The following C14orf132 variants were observed in gnomAD, a reference collection of about 807,000 sequenced individuals.
The protein encoded by C14orf132 is chromosome 14 open reading frame 132.
Under a neutral mutation model 5.8 loss-of-function variants are expected in C14orf132, and 6 were observed. That is an observed-to-expected ratio of 1.03 (90% CI 0.57 to 2.04). The LOEUF (loss-of-function observed/expected upper bound fraction) is 2.04. C14orf132 is among the 30% of genes most tolerant of loss of function. The probability of loss-of-function intolerance (pLI) is 0.00; values close to 1 mark genes in which losing one functional copy is unlikely to be tolerated. For missense variants in C14orf132, 125 were observed against 115.8 expected (o/e 1.08, Z -0.37); for synonymous variants, 51 against 49.8 (o/e 1.02, Z -0.10).
At chr14:96,069,769 T>C (rs1278105481) in intron 1 of C14orf132, among the ~76,000 whole-genome samples, 1 of 152,208 alleles carries the variant, frequency 6.6e-6, no homozygotes, top group Non-Finnish European at 1.5e-5. Context: ...TTTTGTTAAG[T>C]TTTAAAGGAC....
intron 1 of C14orf132, among the ~76,000 whole-genome samples, chr14:96,045,251 A>G (rs1223933862): frequency 6.6e-6 from 1 of 152,208 alleles, no homozygotes; most frequent in African/African-American, 2.4e-5. Context: ...GGGCTCCAGG[A>G]GCCCAGAGAT....
intron 1 of C14orf132, among the ~76,000 whole-genome samples, chr14:96,055,921 C>T (rs1401675708): frequency 1.3e-5 from 2 of 152,192 alleles, no homozygotes; most frequent in East Asian, 3.9e-4. Flanking sequence ...GCAGAGATCT[C>T]AGAGCCCGGG....
At chr14:96,062,689 T>C (rs1284093742) in intron 1 of C14orf132, among the ~76,000 whole-genome samples, 1 of 152,086 alleles carries the variant, frequency 6.6e-6, no homozygotes, top group Non-Finnish European at 1.5e-5. Context: ...TCAGAACCGC[T>C]AGGGAGTGGT....
intron 1 of C14orf132, among the ~76,000 whole-genome samples, chr14:96,062,790 A>G (rs568777159): frequency 1.3e-5 from 2 of 152,306 alleles, no homozygotes; most frequent in Middle Eastern, 3.4e-3. Context: ...GCTGCCAGGT[A>G]CATTCTTCCT....
In C14orf132 at chr14:96,079,682, C is replaced by T. The variant is rs75732199; in HGVS notation, c.28-6829C>T. Among the ~76,000 whole-genome samples the T allele has an allele frequency of 0.015, 2,326 of 151,846 alleles. 231 individuals are homozygous for T. The East Asian group carries it at 0.28, about 18-fold the overall frequency. ...TTATGTTTAGACCACAGAGACCCTG[C>T]GAGAATTTAGTGATGAGAGAAATTA... is the stretch of plus-strand genomic sequence containing the variant. On this transcript the variant is annotated intron_variant, in intron 1 of 1. Coordinates refer to ENST00000555004, the MANE Select transcript of C14orf132 (RefSeq NM_001252507.3).
In C14orf132 at chr14:96,090,874, T is replaced by A. The variant is rs1313944404; in HGVS notation, c.*4139T>A. ...GTCTGTTGTCAGCACTGCTGCCTGA[T>A]CCCTGCAAGACAAATGGCACTTTCC... On this transcript the variant is annotated 3_prime_UTR_variant, in exon 2 of 2. Transcript: ENST00000555004. The A allele has an allele frequency of 4.4e-6, 2 of 456,014 alleles. No individual in the cohort carries two copies. The highest frequency in any genetic ancestry group is 1.5e-5 in the South Asian group (1 of 64,564). The allele number at this position is 456,014 out of a possible 1,614,324, so 28.2% of individuals were successfully genotyped here.
Position 96,086,786 on chromosome 14 carries a change from A to C in C14orf132, c.*51A>C. On this transcript the variant is annotated 3_prime_UTR_variant, in exon 2 of 2. Coordinates refer to ENST00000555004, the MANE Select transcript of C14orf132 (RefSeq NM_001252507.3). ...GGGTGAGGCTTGGCACGTAGCTCTGACTTGCTGTCGGCCTTTGGCTTCTCC... is the reference window on the plus strand; with the variant it reads ...GGGTGAGGCTTGGCACGTAGCTCTGCCTTGCTGTCGGCCTTTGGCTTCTCC... The C allele has an allele frequency of 6.7e-7, 1 of 1,503,712 alleles. No individual in the cohort carries two copies. The highest frequency in any genetic ancestry group is 1.2e-5 in the South Asian group (1 of 82,462). 93.1% of individuals were successfully genotyped at this position (1,503,712 alleles called of 1,614,324 possible).
intron 1 of C14orf132, among the ~76,000 whole-genome samples, chr14:96,045,454 G>A (rs1265874622): frequency 6.6e-6 from 1 of 152,156 alleles, no homozygotes; most frequent in African/African-American, 2.4e-5. Context: ...GTGGTGAGGG[G>A]GTGGGTGTAT....
chr14:96,086,151 A>T (rs1029110600), intron 1 of C14orf132, among the ~76,000 whole-genome samples: 1 of 152,148 alleles, frequency 6.6e-6, no homozygotes, highest in Non-Finnish European at 1.5e-5. Flanking sequence ...TTAAAATTAG[A>T]AGAGGAATGA....
chr14:96,072,653 G>C (rs1024984068), intron 1 of C14orf132, among the ~76,000 whole-genome samples: 2 of 152,054 alleles, frequency 1.3e-5, no homozygotes, highest in Admixed American at 1.3e-4. Context: ...TGCCTCTTGC[G>C]GTCAACCACC....
chr14:96,039,651 T>C lies in C14orf132; in HGVS notation c.27+124T>C. ...GCCCGCGATCCGCGTCCCGGTCCTT[T>C]GTCCCGAGCCGGACACCCCCACTTG... On this transcript the variant is annotated intron_variant, in intron 1 of 1. Coordinates refer to ENST00000555004, the MANE Select transcript of C14orf132 (RefSeq NM_001252507.3). The surrounding 1 kb of genome is among the most constrained non-coding windows in gnomAD (Gnocchi z 5.3). 4 of 1,062,786 alleles carry C rather than the reference T, an allele frequency of 3.8e-6. No individual in the cohort carries two copies. Among genetic ancestry groups the C allele is most frequent in the Non-Finnish European group, 5.0e-6 (4 of 803,630 alleles). The allele number at this position is 1,062,786 out of a possible 1,614,324, so 65.8% of individuals were successfully genotyped here.
chr14:96,046,011 A>C (rs991702856), intron 1 of C14orf132, among the ~76,000 whole-genome samples: 10 of 152,152 alleles, frequency 6.6e-5, no homozygotes, highest in Admixed American at 2.6e-4. Context: ...GGGCTTCTTC[A>C]GGTGACTTGG....
At chr14:96,041,539 CTAG>C (rs1323185275) in intron 1 of C14orf132, among the ~76,000 whole-genome samples, 4 of 152,210 alleles carry the variant, frequency 2.6e-5, no homozygotes, top group African/African-American at 9.6e-5. Flanking sequence ...TTGTGCCTTT[CTAG>C]TAGATTGCTT....
chr14:96,070,581 G>GTCTC (rs150319643), intron 1 of C14orf132, among the ~76,000 whole-genome samples: 1,594 of 144,438 alleles, frequency 0.011, 22 homozygotes, highest in African/African-American at 0.036. Flanking sequence ...GGTAGATGAA[G>GTCTC]TCTCTCTCTC....
chr14:96,061,336 C>T (rs887817032), intron 1 of C14orf132, among the ~76,000 whole-genome samples: 6 of 152,232 alleles, frequency 3.9e-5, no homozygotes, highest in Non-Finnish European at 8.8e-5. Flanking sequence ...GTTCCTGCAC[C>T]TTCTCCCTGT....
intron 1 of C14orf132, among the ~76,000 whole-genome samples, chr14:96,070,591 C>CTG (rs1887676339): frequency 7.6e-6 from 1 of 130,878 alleles, no homozygotes; most frequent in South Asian, 2.8e-4. Context: ...GTCTCTCTCT[C>CTG]TCTCTCACAC....
rs1187286786 is a variant in C14orf132 at position 96,080,481 on chromosome 14, A to G, written c.28-6030A>G. On this transcript the variant is annotated intron_variant, in intron 1 of 1. Transcript: ENST00000555004. The stretch of plus-strand genomic sequence containing the variant: ...GGCCCCCGTATCACAAGCCATCACA[A>G]TCACCCTTCTATTGTTTTGTGTTTA... Among the ~76,000 whole-genome samples the G allele has an allele frequency of 2.0e-5, 3 of 152,146 alleles. No homozygotes were observed. In the East Asian group the frequency reaches 5.8e-4, roughly 29 times the overall value.
At chr14:96,056,517 A>G (rs1024969708) in intron 1 of C14orf132, among the ~76,000 whole-genome samples, 1 of 152,002 alleles carries the variant, frequency 6.6e-6, no homozygotes, top group Non-Finnish European at 1.5e-5. Context: ...CGAGTTTGAA[A>G]CCAGCTGGGT....
intron 1 of C14orf132, among the ~76,000 whole-genome samples, chr14:96,060,918 A>G (rs1359836844): frequency 1.3e-5 from 2 of 152,166 alleles, no homozygotes; most frequent in Non-Finnish European, 1.5e-5. Flanking sequence ...CCCATTGTGT[A>G]TTTGCCATAG....
Sources: gnomAD v4.1 joint callset for allele counts (sites outside exome capture counted in the v4.1 genomes callset) on GRCh38, gnomAD v4.1.1 for gene constraint, Gnocchi (gnomAD v3.1) non-coding constraint, MANE v1.5 for transcripts, NCBI Gene and HGNC (gene_info 2026-07-23, HGNC 2026-07-21) for gene names.